Variants in DDX19B observed in about 807,000 individuals in gnomAD.
DDX19B encodes DEAD-box helicase 19B, also known as ATP-dependent RNA helicase DDX19B.
A neutral mutation model predicts 58.1 loss-of-function variants in DDX19B; 27 were observed. The ratio of observed to expected loss-of-function variants is 0.46; its 90% CI spans 0.34 to 0.64. The LOEUF (loss-of-function observed/expected upper bound fraction) is 0.64, where lower values mean the gene tolerates loss of function less well. DDX19B is among the 30% of genes least tolerant of loss of function. The pLI, the probability that DDX19B is intolerant of heterozygous loss-of-function variation, is 0.01. For missense variants in DDX19B, 399 were observed against 596.5 expected, an observed-to-expected ratio of 0.67 and a Z score of 3.45; for synonymous variants, 187 against 214.4, an observed-to-expected ratio of 0.87 and a Z score of 1.12.
intron 5 of DDX19B, among the ~76,000 whole-genome samples, chr16:70,322,111 C>T (rs768230868): frequency 1.3e-5 from 2 of 152,026 alleles, no homozygotes; most frequent in Admixed American, 6.6e-5. Flanking sequence ...TTTGGGAGGC[C>T]AAGGCAGGCA....
chr16:70,296,170 AT>A (rs1390556928), upstream of DDX19B, among the ~76,000 whole-genome samples: 1 of 151,670 alleles, frequency 6.6e-6, no homozygotes, highest in Non-Finnish European at 1.5e-5. Flanking sequence ...TGCTCAGCTG[AT>A]TTTTGTATTT....
chr16:70,294,785 T>G, upstream of DDX19B: 3 of 1,334,236 alleles, frequency 2.2e-6, no homozygotes, highest in South Asian at 1.5e-5. Context: ...CCAATGAGGC[T>G]CCGGCTTGGC....
intron 1 of DDX19B, among the ~76,000 whole-genome samples, chr16:70,309,889 A>T (rs1250723908): frequency 6.6e-6 from 1 of 150,762 alleles, no homozygotes; most frequent in Non-Finnish European, 1.5e-5. Context: ...CAATTAAAAC[A>T]TTTTTTTGTT....
At chr16:70,330,185 C>T (rs1338399074) in intron 9 of DDX19B, 117 bp downstream of exon 9, 1 of 1,251,638 alleles carries the variant, frequency 8.0e-7, no homozygotes, top group Non-Finnish European at 1.1e-6. Context: ...GTTTGTTCTC[C>T]TAAGGTTTTA....
Position 70,321,040 on chromosome 16 carries a change from G to A in DDX19B, c.389+3452G>A, listed in dbSNP as rs560867806. On this transcript the variant is annotated intron_variant, in intron 5 of 11. Coordinates refer to ENST00000288071, the MANE Select transcript of DDX19B (RefSeq NM_007242.7). ...TGCAATGGCGCGATCTCGGTTCACCGCAATCTCTGCCTTCCAGGTTCAAGC... is the reference window on the plus strand; with the variant it reads ...TGCAATGGCGCGATCTCGGTTCACCACAATCTCTGCCTTCCAGGTTCAAGC... Among the ~76,000 whole-genome samples, 5 of 144,098 alleles carry A rather than the reference G, an allele frequency of 3.5e-5. 1 individual carries two copies. The highest frequency in any genetic ancestry group is 2.2e-4 in the South Asian group (1 of 4,474). The allele number at this position is 144,098 out of a possible 152,430, so 94.5% of individuals were successfully genotyped here.
chr16:70,309,090 T>G (rs1043600024), intron 1 of DDX19B, among the ~76,000 whole-genome samples: 1 of 152,174 alleles, frequency 6.6e-6, no homozygotes, highest in Admixed American at 6.6e-5. Context: ...TTGAATGGTT[T>G]CCTTTTTGTT....
At chr16:70,331,453 T>C (rs1215726283) in intron 9 of DDX19B, among the ~76,000 whole-genome samples, 4 of 152,228 alleles carry the variant, frequency 2.6e-5, no homozygotes, top group Non-Finnish European at 4.4e-5. Context: ...AAAAATCATA[T>C]GACTAAAATT....
rs1963559084 is a variant in DDX19B, at chr16:70,333,021, A to G, written c.1240A>G (p.Lys414Glu). The G allele has an allele frequency of 1.2e-6, 2 of 1,613,106 alleles. No homozygotes were observed. The highest frequency in any genetic ancestry group is 1.7e-6 in the Non-Finnish European group (2 of 1,179,692). Residue 414 changes from lysine (K) to glutamate (E), a missense_variant, in exon 11 of 12, where the codon AAG becomes GAG. Lys to Glu is a moderately conservative substitution (Grantham distance 56). Transcript: ENST00000288071. ...CATCAACTTTGATCTTCCCGTGGACAAGGACGGGAATCCTGACAATGAGAC... is the reference window on the plus strand; with the variant it reads ...CATCAACTTTGATCTTCCCGTGGACGAGGACGGGAATCCTGACAATGAGAC... The part of the protein sequence containing the change: ...VVINFDLPVD[K>E]DGNPDNETYL...
chr16:70,307,321 A>G (rs1961807909), intron 1 of DDX19B, among the ~76,000 whole-genome samples: 1 of 152,116 alleles, frequency 6.6e-6, no homozygotes, highest in Non-Finnish European at 1.5e-5. Flanking sequence ...TGCATCATTA[A>G]TCTTTAAGAT....
intron 1 of DDX19B, among the ~76,000 whole-genome samples, chr16:70,302,387 T>G (rs1961535232): frequency 6.6e-6 from 1 of 152,138 alleles, no homozygotes; most frequent in Non-Finnish European, 1.5e-5. Context: ...TACAACTTCT[T>G]GTAGTTCACT....
chr16:70,329,386 G>A lies in DDX19B; in HGVS notation c.702G>A (p.Lys234=). 1 of 1,614,068 alleles carries A rather than the reference G, an allele frequency of 6.2e-7. No individual in the cohort carries two copies. The highest frequency in any genetic ancestry group is 8.5e-7 in the Non-Finnish European group (1 of 1,180,006). ...CCAAGCTCAAGTTCATTGATCCCAA[G>A]AAAATCAAGGTGTTTGTTCTGGATG... is the stretch of plus-strand genomic sequence containing the variant. ...WCSKLKFIDP[K]KIKVFVLDEA... is the part of the protein sequence containing the mutation. The change falls in exon 8 of 12, where the codon AAG becomes AAA. Residue 234 remains lysine, a synonymous_variant. Coordinates refer to ENST00000288071, the MANE Select transcript of DDX19B (RefSeq NM_007242.7).
At chr16:70,300,048 TTC>T (rs2152182716) in intron 1 of DDX19B, among the ~76,000 whole-genome samples, 1 of 152,318 alleles carries the variant, frequency 6.6e-6, no homozygotes, top group African/African-American at 2.4e-5. Context: ...TTGAACCTAC[TTC>T]TGTTAGTACT....
At chr16:70,314,880 T>C (rs762795612) in intron 2 of DDX19B, 22 bp from the exon 3 acceptor site, 1 of 1,607,428 alleles carries the variant, frequency 6.2e-7, no homozygotes, top group Non-Finnish European at 8.5e-7. Flanking sequence ...TTTTGAATGA[T>C]GGCCACTTTG....
At chr16:70,294,844 C>G (rs1325062881), upstream of DDX19B, 12 of 1,513,994 alleles carry the variant, frequency 7.9e-6, no homozygotes, top group African/African-American at 4.2e-5. Flanking sequence ...TGCTCAGCCG[C>G]GATGGCTGGG....
intron 5 of DDX19B, among the ~76,000 whole-genome samples, chr16:70,322,410 G>A (rs1380416001): frequency 1.3e-5 from 2 of 151,824 alleles, no homozygotes; most frequent in African/African-American, 4.8e-5. Context: ...GGCCAACATG[G>A]CGAAACCCAT....
intron 1 of DDX19B, among the ~76,000 whole-genome samples, chr16:70,305,878 A>G (rs867475370): frequency 1.1e-4 from 16 of 151,970 alleles, no homozygotes; most frequent in South Asian, 8.3e-4. Context: ...CTCCTGCCTC[A>G]GCTTCCCGAG....
rs1197566898 is a variant in DDX19B, at chr16:70,333,026, C to T, written c.1245C>T (p.Asp415=). The T allele has an allele frequency of 1.7e-5, 27 of 1,612,872 alleles. No individual in the cohort carries two copies. Among genetic ancestry groups the T allele is most frequent in the East Asian group, 4.5e-5 (2 of 44,852 alleles). ...VINFDLPVDK[D]GNPDNETYLH... is the part of the protein sequence containing the mutation. ...ACTTTGATCTTCCCGTGGACAAGGA[C>T]GGGAATCCTGACAATGAGACCTACC... Residue 415 remains aspartate (D), a synonymous_variant, in exon 11 of 12, where the codon GAC becomes GAT. Coordinates refer to ENST00000288071, the MANE Select transcript of DDX19B (RefSeq NM_007242.7).
At chr16:70,303,251 G>A (rs1961567219) in intron 1 of DDX19B, among the ~76,000 whole-genome samples, 1 of 151,932 alleles carries the variant, frequency 6.6e-6, no homozygotes, top group South Asian at 2.1e-4. Context: ...TGGGCTCAAG[G>A]GATTCTCCCA....
chr16:70,296,431 C>T (rs190299415), upstream of DDX19B, among the ~76,000 whole-genome samples: 10 of 152,092 alleles, frequency 6.6e-5, 1 homozygote, highest in Admixed American at 5.9e-4. Flanking sequence ...GCCACTGCTC[C>T]GGTCTTCTTA....
Sources: gnomAD v4.1 joint callset for allele counts (sites outside exome capture counted in the v4.1 genomes callset) on GRCh38, gnomAD v4.1.1 for gene constraint, MANE v1.5 for transcripts, NCBI Gene and HGNC (gene_info 2026-07-23, HGNC 2026-07-21) for gene names.